CEMIP2: variants seen among roughly 807,000 people sequenced by gnomAD.
The protein encoded by CEMIP2 is cell surface hyaluronidase CEMIP2.
Under a neutral mutation model 146.9 loss-of-function variants are expected in CEMIP2, and 79 were observed. The observed-to-expected ratio is 0.54, with a 90% CI of 0.45 to 0.65. The LOEUF (loss-of-function observed/expected upper bound fraction) is 0.65, where lower values mean the gene tolerates loss of function less well. Ranked by LOEUF, CEMIP2 falls within the 30% of genes least tolerant of loss-of-function variation. CEMIP2 has a pLI of 0.00. For synonymous variants in CEMIP2, 601 were observed against 606.3 expected, an observed-to-expected ratio of 0.99 and a Z score of 0.13; for missense variants, 1,596 against 1,696.2, an observed-to-expected ratio of 0.94 and a Z score of 1.04.
chr9:71,716,424 A>C, intron 14 of CEMIP2, 93 bp downstream of exon 14: 1 of 1,090,892 alleles, frequency 9.2e-7, no homozygotes, highest in Non-Finnish European at 1.3e-6. Flanking sequence ...TGTTAAAAAA[A>C]ATAATAAAAC....
intron 1 of CEMIP2, among the ~76,000 whole-genome samples, chr9:71,763,127 T>C (rs1335928360): frequency 6.6e-6 from 1 of 151,966 alleles, no homozygotes; most frequent in Non-Finnish European, 1.5e-5. Context: ...GAATCAGGCA[T>C]ATGTCCCTGT....
intron 1 of CEMIP2, among the ~76,000 whole-genome samples, chr9:71,761,322 A>G (rs1320680875): frequency 6.6e-6 from 1 of 152,252 alleles, no homozygotes; most frequent in Non-Finnish European, 1.5e-5. Flanking sequence ...AAATGAAAAG[A>G]CAACAGGGAT....
Position 71,732,539 on chromosome 9 carries a change from GA to G in CEMIP2, c.1394-20del. ...GGGGTTTCTGGTTGATATGAGCAAG[GA>G]AAAAAAAGAATATTAGAACAAAGAA... On this transcript the variant is annotated intron_variant, in intron 6 of 23. Coordinates refer to ENST00000377044, the MANE Select transcript of CEMIP2 (RefSeq NM_013390.3). The G allele has an allele frequency of 7.0e-6, 11 of 1,560,358 alleles. No individual in the cohort carries two copies. The highest frequency in any genetic ancestry group is 4.2e-5 in the African/African-American group (3 of 71,636).
intron 17 of CEMIP2, chr9:71,705,067 G>C (rs1043789221): frequency 7.5e-6 from 3 of 399,108 alleles, no homozygotes; most frequent in African/African-American, 6.0e-5. Flanking sequence ...TTATTCATCA[G>C]AATATAAAAC....
At chr9:71,699,466 G>T (rs1442000776) in intron 19 of CEMIP2, 1 of 352,932 alleles carries the variant, frequency 2.8e-6, no homozygotes, top group Non-Finnish European at 5.5e-6. Flanking sequence ...AAAAAAAAAA[G>T]AAAGAAAGAA....
At chr9:71,704,417 T>A in intron 18 of CEMIP2, 178 bp downstream of exon 18, 2 of 636,196 alleles carry the variant, frequency 3.1e-6, no homozygotes, top group Non-Finnish European at 2.7e-6. Flanking sequence ...AATGACAGGA[T>A]TCAATTTGTA....
chr9:71,724,518 T>A (rs1160019775), intron 11 of CEMIP2, among the ~76,000 whole-genome samples: 2 of 152,218 alleles, frequency 1.3e-5, no homozygotes, highest in Non-Finnish European at 1.5e-5. Context: ...AAGGATCCTC[T>A]GAGTATCATA....
rs2132018843 is a variant in CEMIP2, at chr9:71,750,073, A to G, written c.301T>C (p.Leu101=). The G allele has an allele frequency of 6.2e-7, 1 of 1,610,438 alleles. No homozygotes were observed. Among genetic ancestry groups the G allele is most frequent in the African/African-American group, 1.3e-5 (1 of 74,912 alleles). Residue 101 remains leucine (L), a synonymous_variant, in exon 2 of 24, where the codon TTA becomes CTA. Transcript: ENST00000377044. ...FSFFIALAII[L]GISSKYAPDE... is the part of the protein sequence containing the mutation. ...GGAGCATATTTTGAGGATATTCCTA[A>G]AATGATTGCAAGTGCAATAAAAAAT... is the stretch of plus-strand genomic sequence containing the variant.
intron 22 of CEMIP2, among the ~76,000 whole-genome samples, chr9:71,688,347 C>A (rs1420790499): frequency 2.0e-5 from 3 of 151,392 alleles, no homozygotes; most frequent in African/African-American, 7.3e-5. Flanking sequence ...AGATTAAGTA[C>A]CTTAAGTTTC....
intron 12 of CEMIP2, among the ~76,000 whole-genome samples, chr9:71,718,792 G>C (rs1823145384): frequency 6.6e-6 from 1 of 152,044 alleles, no homozygotes; most frequent in Non-Finnish European, 1.5e-5. Flanking sequence ...GGCCAGGCTG[G>C]TCTCGAACTC....
At position 71,698,039 on chromosome 9, in the gene CEMIP2, G is replaced by T; in HGVS notation, c.3543C>A (p.Val1181=). 1 of 1,614,160 alleles carries T rather than the reference G, an allele frequency of 6.2e-7. No individual in the cohort carries two copies. Among genetic ancestry groups the T allele is most frequent in the South Asian group, 1.1e-5 (1 of 91,064 alleles). ...YPQYYRKPSV[V]KRMPAMLTGL... is the part of the protein sequence containing the mutation. ...CAGTGAGCATGGCCGGCATCCGCTT[G>T]ACCACTGACGGCTTTCTGTAGTACT... is the stretch of plus-strand genomic sequence containing the variant. Residue 1181 remains valine (V), a synonymous_variant, in exon 20 of 24, where the codon GTC becomes GTA. Coordinates refer to ENST00000377044, the MANE Select transcript of CEMIP2 (RefSeq NM_013390.3).
At chr9:71,751,317 G>C (rs1390746513) in intron 1 of CEMIP2, among the ~76,000 whole-genome samples, 1 of 152,110 alleles carries the variant, frequency 6.6e-6, no homozygotes, top group Non-Finnish European at 1.5e-5. Flanking sequence ...TTACATCCCT[G>C]ATCTAATAAA....
Position 71,714,940 on chromosome 9 carries a change from C to G in CEMIP2, c.2585G>C (p.Arg862Thr). The G allele has an allele frequency of 6.2e-7, 1 of 1,612,956 alleles. No individual in the cohort carries two copies. Among genetic ancestry groups the G allele is most frequent in the Non-Finnish European group, 8.5e-7 (1 of 1,179,620 alleles). Residue 862 changes from arginine to threonine, a missense_variant, in exon 15 of 24, where the codon AGG becomes ACG. Physicochemically the swap from Arg to Thr is moderately conservative, Grantham distance 71. Coordinates refer to ENST00000377044, the MANE Select transcript of CEMIP2 (RefSeq NM_013390.3). ...CAGCTAAAGCAATGCTTACCTGTTCCTGGGTAATGTTCGAGGCTTCTGGTC... is the reference window on the plus strand; with the variant it reads ...CAGCTAAAGCAATGCTTACCTGTTCGTGGGTAATGTTCGAGGCTTCTGGTC... The part of the protein sequence containing the change: ...GIDQKPRTLP[R>T]NRTFPIRGFQ...
intron 10 of CEMIP2, among the ~76,000 whole-genome samples, chr9:71,728,291 A>ATATATATATATATG (rs1823497873): frequency 5.8e-5 from 1 of 17,382 alleles, no homozygotes; most frequent in African/African-American, 1.1e-4. Context: ...GTATATATAT[A>ATATATATATATATG]TATATATATA....
At chr9:71,755,190 T>C (rs1415775766) in intron 1 of CEMIP2, among the ~76,000 whole-genome samples, 1 of 150,852 alleles carries the variant, frequency 6.6e-6, no homozygotes, top group East Asian at 1.9e-4. Context: ...ATCATGCTTT[T>C]TTTTTTTTTT....
At chr9:71,732,303 T>C (rs1242819796) in intron 7 of CEMIP2, 48 bp downstream of exon 7, 3 of 1,519,616 alleles carry the variant, frequency 2.0e-6, no homozygotes, top group Non-Finnish European at 2.6e-6. Flanking sequence ...TTCAAACATA[T>C]ATTTAGCAAC....
chr9:71,718,042 G>C lies in CEMIP2; in HGVS notation c.2305C>G (p.Arg769Gly), dbSNP rs765798037. 2 of 1,612,586 alleles carry C rather than the reference G, an allele frequency of 1.2e-6. No individual in the cohort carries two copies. Among genetic ancestry groups the C allele is most frequent in the South Asian group, 2.2e-5 (2 of 90,794 alleles). The change falls in exon 13 of 24, where the codon CGT (arginine) becomes GGT (glycine). Residue 769 changes from arginine to glycine, a missense_variant. By Grantham distance (125) the Arg-to-Gly change is moderately radical. Transcript: ENST00000377044. ...AGCCTGTCAATTAGAGCAGCAACACGTGGTTTTTCGGGGTTTGCATCCTGA... is the reference window on the plus strand; with the variant it reads ...AGCCTGTCAATTAGAGCAGCAACACCTGGTTTTTCGGGGTTTGCATCCTGA... ...PHQDANPEKPRVAALIDRLIA... is the reference protein window; with the variant it reads ...PHQDANPEKPGVAALIDRLIA...
intron 18 of CEMIP2, among the ~76,000 whole-genome samples, chr9:71,702,517 T>C (rs965394218): frequency 3.9e-5 from 6 of 152,104 alleles, no homozygotes; most frequent in Admixed American, 1.3e-4. Flanking sequence ...ATGTACTATA[T>C]ATGTTTACAA....
chr9:71,705,301 A>T (rs906240654), intron 17 of CEMIP2, among the ~76,000 whole-genome samples: 5 of 152,214 alleles, frequency 3.3e-5, no homozygotes, highest in African/African-American at 1.2e-4. Flanking sequence ...TCAAAAAAAA[A>T]AAAAGTTATA....
Sources: allele counts gnomAD v4.1 joint callset (sites outside exome capture counted in the v4.1 genomes callset), GRCh38; gene constraint gnomAD v4.1.1; transcripts MANE v1.5; gene names NCBI Gene and HGNC (gene_info 2026-07-23, HGNC 2026-07-21).